AUTS2: variants seen among roughly 807,000 people sequenced by gnomAD.
AUTS2 encodes activator of transcription and developmental regulator AUTS2.
AUTS2 carries 17 observed loss-of-function variants against 112.4 expected under a neutral mutation model. That is an observed-to-expected ratio of 0.15 (90% confidence interval 0.10 to 0.23). The LOEUF (loss-of-function observed/expected upper bound fraction) is 0.23. Ranked by LOEUF, AUTS2 falls within the 10% of genes least tolerant of loss-of-function variation. The pLI, the probability that AUTS2 is intolerant of heterozygous loss-of-function variation, is 1.00. For missense variants in AUTS2, 1,510 were observed against 1,701.6 expected, an observed-to-expected ratio of 0.89 and a Z score of 1.98; for synonymous variants, 751 against 702.7, an observed-to-expected ratio of 1.07 and a Z score of -1.09.
intron 1 of AUTS2, among the ~76,000 whole-genome samples, chr7:69,602,298 A>AT (rs999437726): frequency 2.0e-5 from 3 of 151,782 alleles, no homozygotes; most frequent in Non-Finnish European, 4.4e-5. Context: ...TGCTCTGATT[A>AT]TTTTTTTCTG....
chr7:69,933,420 G>GGATA (rs1039505246), intron 2 of AUTS2, among the ~76,000 whole-genome samples: 6 of 152,266 alleles, frequency 3.9e-5, no homozygotes, highest in Admixed American at 1.3e-4. Context: ...CTTGAAACAT[G>GGATA]GATAGGTCAG....
intron 1 of AUTS2, among the ~76,000 whole-genome samples, chr7:69,853,958 C>G (rs2129530213): frequency 6.6e-6 from 1 of 152,266 alleles, no homozygotes; most frequent in African/African-American, 2.4e-5. Context: ...TATATGAAAT[C>G]ATGTTGCTCT....
intron 1 of AUTS2, among the ~76,000 whole-genome samples, chr7:69,872,433 T>A (rs1788279583): frequency 1.3e-5 from 2 of 152,238 alleles, no homozygotes; most frequent in African/African-American, 2.4e-5. Flanking sequence ...GTGTCAAGTG[T>A]TGTGTCTGAA....
intron 2 of AUTS2, among the ~76,000 whole-genome samples, chr7:69,919,655 C>T (rs780920179): frequency 6.6e-6 from 1 of 152,146 alleles, no homozygotes; most frequent in Non-Finnish European, 1.5e-5. Flanking sequence ...GTTATTGCTG[C>T]TCTTTGACCC....
At chr7:70,173,957 C>CT (rs1484209417) in intron 4 of AUTS2, among the ~76,000 whole-genome samples, 2 of 152,062 alleles carry the variant, frequency 1.3e-5, no homozygotes, top group African/African-American at 2.4e-5. Context: ...ACACTGGACT[C>CT]TAAGTGTTTG....
At chr7:70,004,272 TA>T (rs1277040791) in intron 2 of AUTS2, among the ~76,000 whole-genome samples, 2,407 of 133,424 alleles carry the variant, frequency 0.018, 76 homozygotes, top group Non-Finnish European at 0.028. Context: ...ATATTATATA[TA>T]TGAATGTGTT....
intron 2 of AUTS2, among the ~76,000 whole-genome samples, chr7:69,954,759 C>T (rs1486791425): frequency 6.6e-6 from 1 of 152,162 alleles, no homozygotes; most frequent in Non-Finnish European, 1.5e-5. Flanking sequence ...GGTTTAGAAC[C>T]TTTATCTTTG....
intron 2 of AUTS2, among the ~76,000 whole-genome samples, chr7:70,053,544 G>GTTTGTTTTTTTTTTTTTTTT (rs1801849869): frequency 2.3e-5 from 3 of 127,848 alleles, no homozygotes; most frequent in African/African-American, 9.3e-5. Flanking sequence ...GTTTTGGGTG[G>GTTTGTTTTTTTTTTTTTTTT]TTTTTTTTTT....
At chr7:70,351,285 C>A (rs2129623237) in intron 4 of AUTS2, among the ~76,000 whole-genome samples, 1 of 152,228 alleles carries the variant, frequency 6.6e-6, no homozygotes, top group South Asian at 2.1e-4. Context: ...AACTCCTGAC[C>A]TCTGGCGATC....
intron 1 of AUTS2, among the ~76,000 whole-genome samples, chr7:69,651,590 A>G (rs908427342): frequency 1.3e-5 from 2 of 152,198 alleles, no homozygotes; most frequent in African/African-American, 4.8e-5. Context: ...GTAGTTATGA[A>G]TTTGGGTGAA....
intron 1 of AUTS2, among the ~76,000 whole-genome samples, chr7:69,643,681 CA>C (rs1308129831): frequency 6.6e-6 from 1 of 151,862 alleles, no homozygotes; most frequent in African/African-American, 2.4e-5. Flanking sequence ...GTTAGGTGCT[CA>C]TTAAGTGTTT....
chr7:70,275,091 TG>T, intron 4 of AUTS2, among the ~76,000 whole-genome samples: 1 of 152,148 alleles, frequency 6.6e-6, no homozygotes, highest in Non-Finnish European at 1.5e-5. Flanking sequence ...ATTCTGTCAC[TG>T]GGGCTGAAGT....
intron 5 of AUTS2, among the ~76,000 whole-genome samples, chr7:70,683,596 C>T (rs1808314220): frequency 6.6e-6 from 1 of 152,184 alleles, no homozygotes; most frequent in African/African-American, 2.4e-5. Flanking sequence ...TCTATGTTTC[C>T]ATTAGGAAGC....
chr7:69,930,485 T>C (rs2129543848), intron 2 of AUTS2, among the ~76,000 whole-genome samples: 1 of 152,320 alleles, frequency 6.6e-6, no homozygotes, highest in Middle Eastern at 3.4e-3. Flanking sequence ...GTTATAGGGC[T>C]CTCATTTGTT....
At chr7:70,642,501 G>A (rs1247485961) in intron 5 of AUTS2, among the ~76,000 whole-genome samples, 1 of 152,074 alleles carries the variant, frequency 6.6e-6, no homozygotes, top group Non-Finnish European at 1.5e-5. Context: ...ATTTCCTAGA[G>A]TTTGCCTTGA....
chr7:70,674,923 C>G (rs1356575200), intron 5 of AUTS2, among the ~76,000 whole-genome samples: 1 of 152,138 alleles, frequency 6.6e-6, no homozygotes, highest in Non-Finnish European at 1.5e-5. Flanking sequence ...AAATATTTAT[C>G]AAGTTCTTTT....
intron 1 of AUTS2, among the ~76,000 whole-genome samples, chr7:69,793,455 C>A (rs1276009708): frequency 6.6e-6 from 1 of 152,148 alleles, no homozygotes; most frequent in Non-Finnish European, 1.5e-5. Flanking sequence ...TGTAGACAGT[C>A]CTGACACAGA....
rs1293656555 is a variant in AUTS2, at chr7:69,599,500, C to T, written c.-154C>T. 14 of 587,804 alleles carry T rather than the reference C, an allele frequency of 2.4e-5. No homozygotes were observed. The East Asian group carries it at 5.2e-4, about 22-fold the overall frequency. The allele number at this position is 587,804 out of a possible 1,614,324, so 36.4% of individuals were successfully genotyped here. ...TTCTTTCTCCTCTCTTTCTTCCCCT[C>T]TCTCCCTTCTTTCGGCCGCCGTCTC... is the stretch of plus-strand genomic sequence containing the variant. On this transcript the variant is annotated 5_prime_UTR_variant, in exon 1 of 19. Transcript: ENST00000342771. The surrounding 1 kb of genome is among the most constrained non-coding windows in gnomAD (Gnocchi z 7.0).
intron 2 of AUTS2, among the ~76,000 whole-genome samples, chr7:70,100,693 G>A (rs1004073372): frequency 1.3e-5 from 2 of 151,338 alleles, no homozygotes; most frequent in African/African-American, 4.9e-5. Flanking sequence ...TTCATGTACT[G>A]AAAAAGTAGA....
Sources: gnomAD v4.1 joint callset for allele counts (sites outside exome capture counted in the v4.1 genomes callset) on GRCh38, gnomAD v4.1.1 for gene constraint, Gnocchi (gnomAD v3.1) non-coding constraint, MANE v1.5 for transcripts, NCBI Gene and HGNC (gene_info 2026-07-23, HGNC 2026-07-21) for gene names.